The following SHISA6 variants were observed in gnomAD, a reference collection of about 807,000 sequenced individuals.
SHISA6 encodes the protein protein shisa-6.
In SHISA6, 22 loss-of-function variants were observed where a neutral mutation model predicts 47.9. That is an observed-to-expected ratio of 0.46 (90% confidence interval 0.33 to 0.66). The LOEUF is 0.66. SHISA6 is among the 30% of genes least tolerant of loss of function. SHISA6 has a pLI of 0.02. For synonymous variants in SHISA6, 388 were observed against 337.8 expected, an observed-to-expected ratio of 1.15 and a Z score of -1.63; for missense variants, 680 against 764.6, an observed-to-expected ratio of 0.89 and a Z score of 1.30.
At chr17:11,320,517 G>T (rs1005541619) in intron 2 of SHISA6, among the ~76,000 whole-genome samples, 2 of 152,146 alleles carry the variant, frequency 1.3e-5, no homozygotes, top group Middle Eastern at 3.2e-3. Flanking sequence ...AATTAGCTGG[G>T]TGTGGTGGTG....
intron 3 of SHISA6, among the ~76,000 whole-genome samples, chr17:11,387,512 C>T (rs1209490323): frequency 3.3e-5 from 5 of 152,104 alleles, no homozygotes; most frequent in Non-Finnish European, 7.3e-5. Flanking sequence ...CTATATCTGA[C>T]TCTGAGAAGG....
chr17:11,338,385 C>G (rs986752569), intron 2 of SHISA6, among the ~76,000 whole-genome samples: 6 of 151,914 alleles, frequency 3.9e-5, no homozygotes, highest in Admixed American at 2.0e-4. Context: ...ATACCAGAAG[C>G]CTTTTTTGTT....
chr17:11,533,137 A>G (rs927352815), intron 3 of SHISA6, among the ~76,000 whole-genome samples: 12 of 152,184 alleles, frequency 7.9e-5, no homozygotes, highest in African/African-American at 2.7e-4. Flanking sequence ...AATCTTCATT[A>G]TCAGCCCTCT....
intron 3 of SHISA6, among the ~76,000 whole-genome samples, chr17:11,411,697 T>C (rs988974819): frequency 6.6e-6 from 1 of 152,138 alleles, no homozygotes; most frequent in Non-Finnish European, 1.5e-5. Context: ...GTGCCTGGCC[T>C]CCAAAATCAC....
chr17:11,262,575 C>A (rs1479480585), intron 1 of SHISA6, among the ~76,000 whole-genome samples: 1 of 152,236 alleles, frequency 6.6e-6, no homozygotes, highest in Non-Finnish European at 1.5e-5. Context: ...TGATCTGTGT[C>A]TCTTCAATGA....
At chr17:11,326,440 G>C (rs1219300108) in intron 2 of SHISA6, among the ~76,000 whole-genome samples, 1 of 152,112 alleles carries the variant, frequency 6.6e-6, no homozygotes, top group African/African-American at 2.4e-5. Flanking sequence ...TAGTATTGCA[G>C]GTTCTAAACT....
intron 3 of SHISA6, among the ~76,000 whole-genome samples, chr17:11,402,950 C>T (rs927511493): frequency 2.0e-5 from 3 of 152,166 alleles, no homozygotes; most frequent in Admixed American, 6.5e-5. Flanking sequence ...TGGTGCTCTT[C>T]GTGGAACCTT....
At chr17:11,378,751 T>G (rs1912902578) in intron 2 of SHISA6, among the ~76,000 whole-genome samples, 1 of 152,182 alleles carries the variant, frequency 6.6e-6, no homozygotes, top group Non-Finnish European at 1.5e-5. Flanking sequence ...CTGCATAAAG[T>G]TAAAGAAGCG....
At chr17:11,457,734 C>T (rs1915579710) in intron 3 of SHISA6, among the ~76,000 whole-genome samples, 1 of 108,068 alleles carries the variant, frequency 9.3e-6, no homozygotes, top group Non-Finnish European at 1.8e-5. Context: ...GAGTGAGACT[C>T]AGTCTCAAAA....
chr17:11,440,763 C>T (rs1274877777), intron 3 of SHISA6, among the ~76,000 whole-genome samples: 3 of 151,954 alleles, frequency 2.0e-5, no homozygotes, highest in Admixed American at 6.6e-5. Context: ...CCTCTGTGAC[C>T]GCTGCTATCA....
chr17:11,458,817 T>C (rs1361742655), intron 3 of SHISA6, among the ~76,000 whole-genome samples: 1 of 152,110 alleles, frequency 6.6e-6, no homozygotes, highest in Non-Finnish European at 1.5e-5. Flanking sequence ...TCACTTAACC[T>C]CTCTGGGTCC....
At chr17:11,372,849 G>T (rs1307281952) in intron 2 of SHISA6, among the ~76,000 whole-genome samples, 1 of 152,054 alleles carries the variant, frequency 6.6e-6, no homozygotes, top group South Asian at 2.1e-4. Flanking sequence ...GGCCAGCTCT[G>T]TGCCTGTTCT....
rs372110649 is a variant in SHISA6 at position 11,451,748 on chromosome 17, G to T, written c.895+72239G>T. Among the ~76,000 whole-genome samples the T allele has an allele frequency of 2.0e-5, 3 of 152,294 alleles. No individual in the cohort carries two copies. The East Asian group carries it at 5.8e-4, about 29-fold the overall frequency. On this transcript the variant is annotated intron_variant, in intron 3 of 5. Transcript: ENST00000441885. ...GGAAATTGCACAGAGGCAGGGTGAG[G>T]CACAATATAAGAAAGACTTCCAGAC...
At chr17:11,249,391 C>T (rs947193625) in intron 1 of SHISA6, among the ~76,000 whole-genome samples, 2 of 152,092 alleles carry the variant, frequency 1.3e-5, no homozygotes, top group Admixed American at 6.6e-5. Flanking sequence ...TAGAATATAG[C>T]TCTGCAAGCC....
intron 2 of SHISA6, among the ~76,000 whole-genome samples, chr17:11,309,063 C>T (rs1910229790): frequency 1.3e-5 from 2 of 152,202 alleles, no homozygotes; most frequent in Non-Finnish European, 2.9e-5. Flanking sequence ...CTCCTAGGCT[C>T]AAGCAATCCT....
intron 3 of SHISA6, among the ~76,000 whole-genome samples, chr17:11,486,074 G>A (rs1471874405): frequency 2.6e-5 from 4 of 152,142 alleles, no homozygotes; most frequent in Admixed American, 1.3e-4. Flanking sequence ...TGAATGGGCC[G>A]CTCTTCATTT....
intron 3 of SHISA6, among the ~76,000 whole-genome samples, chr17:11,538,061 G>T (rs1291178214): frequency 6.6e-6 from 1 of 152,078 alleles, no homozygotes; most frequent in Non-Finnish European, 1.5e-5. Context: ...TGTTGTTGTT[G>T]TTATTGTTGT....
chr17:11,523,262 T>G (rs1320102569), intron 3 of SHISA6, among the ~76,000 whole-genome samples: 1 of 152,214 alleles, frequency 6.6e-6, no homozygotes, highest in East Asian at 1.9e-4. Flanking sequence ...CCCCGTTGGC[T>G]CCGATCGGAT....
At chr17:11,499,245 G>A (rs1352641928) in intron 3 of SHISA6, among the ~76,000 whole-genome samples, 2 of 152,184 alleles carry the variant, frequency 1.3e-5, no homozygotes, top group African/African-American at 2.4e-5. Flanking sequence ...CTGAGATGAC[G>A]GGGTGGCAGT....
Sources: allele counts gnomAD v4.1 joint callset (sites outside exome capture counted in the v4.1 genomes callset), GRCh38; gene constraint gnomAD v4.1.1; transcripts MANE v1.5; gene names NCBI Gene and HGNC (gene_info 2026-07-23, HGNC 2026-07-21).